Variants in LUC7L observed in about 807,000 individuals in gnomAD.
The protein encoded by LUC7L is putative RNA-binding protein Luc7-like 1.
A neutral mutation model predicts 51.1 loss-of-function variants in LUC7L; 29 were observed. The observed-to-expected ratio is 0.57, with a 90% CI of 0.42 to 0.77. The LOEUF (loss-of-function observed/expected upper bound fraction) is 0.77. Ranked by LOEUF, LUC7L falls within the 30% of genes least tolerant of loss-of-function variation. LUC7L has a pLI of 0.00. For synonymous variants in LUC7L, 181 were observed against 180.7 expected, an observed-to-expected ratio of 1.00 and a Z score of -0.01; for missense variants, 403 against 511.9, an observed-to-expected ratio of 0.79 and a Z score of 2.05.
intron 3 of LUC7L, among the ~76,000 whole-genome samples, chr16:213,786 C>T (rs543380874): frequency 9.9e-5 from 15 of 152,274 alleles, no homozygotes; most frequent in Admixed American, 5.2e-4. Flanking sequence ...GCAATCTCGG[C>T]TCACCGCAAT....
In LUC7L at chr16:200,185, G is replaced by A. The variant is rs530159671; in HGVS notation, c.511-947C>T. On this transcript the variant is annotated intron_variant, in intron 5 of 9. Transcript: ENST00000293872. ...CGCCTGTAATCCCAGCACTTTGGGAGGCTGAGGCAGGCGAATCATGGGGTC... is the reference window on the plus strand; with the variant it reads ...CGCCTGTAATCCCAGCACTTTGGGAAGCTGAGGCAGGCGAATCATGGGGTC... Among the ~76,000 whole-genome samples, 305 of 152,232 alleles carry A rather than the reference G, an allele frequency of 2.0e-3. 1 individual carries two copies. The highest frequency in any genetic ancestry group is 0.01 in the Middle Eastern group (3 of 292).
chr16:229,012 G>A (rs941534722), intron 1 of LUC7L: 29 of 1,451,524 alleles, frequency 2.0e-5, no homozygotes, highest in African/African-American at 2.9e-5. Context: ...CGCCGGGGAG[G>A]AAGTAGCAGG....
At chr16:213,921 G>A (rs1483660831) in intron 3 of LUC7L, among the ~76,000 whole-genome samples, 1 of 151,284 alleles carries the variant, frequency 6.6e-6, no homozygotes, top group Non-Finnish European at 1.5e-5. Flanking sequence ...TCACTATCTT[G>A]GCCAGGAAGG....
In LUC7L at chr16:229,377, T is replaced by C; in HGVS notation, c.-38A>G. ...AGGCGACGGGGTCGGCCGCGACGAC[T>C]TCTCTCAGGCAGGCGGTGGCAGCGG... On this transcript the variant is annotated 5_prime_UTR_variant, in exon 1 of 10. Transcript: ENST00000293872. 1 of 1,481,796 alleles carries C rather than the reference T, an allele frequency of 6.7e-7. No individual in the cohort carries two copies. 91.8% of individuals were successfully genotyped at this position (1,481,796 alleles called of 1,614,324 possible). A position where few individuals can be genotyped will look rare whatever the true frequency, so the allele number is the denominator to read the frequency against.
intron 6 of LUC7L, among the ~76,000 whole-genome samples, chr16:195,004 G>A (rs549460652): frequency 8.5e-5 from 13 of 152,258 alleles, no homozygotes; most frequent in East Asian, 1.9e-4. Context: ...ATGAGAGCAC[G>A]CTCCCCACAA....
At chr16:229,139 T>G in intron 1 of LUC7L, 140 bp downstream of exon 1, 7 of 1,408,632 alleles carry the variant, frequency 5.0e-6, no homozygotes, top group Non-Finnish European at 6.4e-6. Context: ...GCCCGGCGCC[T>G]GCGGTCGGAG....
At chr16:209,863 G>A (rs892306759) in intron 3 of LUC7L, 18 of 152,148 alleles carry the variant, frequency 1.2e-4, no homozygotes, top group African/African-American at 4.1e-4. Context: ...ATGCATACTT[G>A]GGAGTAGGTA....
At chr16:225,517 G>C (rs1356328599) in intron 2 of LUC7L, among the ~76,000 whole-genome samples, 1 of 100,828 alleles carries the variant, frequency 9.9e-6, no homozygotes, top group African/African-American at 3.8e-5. Context: ...ACAGAGTTTT[G>C]CTCTTGTTGC....
At chr16:209,489 CAAAAAAA>C (rs5815040) in intron 3 of LUC7L, 2 of 115,574 alleles carry the variant, frequency 1.7e-5, no homozygotes, top group Non-Finnish European at 3.5e-5. Flanking sequence ...GATTCCATCT[CAAAAAAA>C]AAAAAAAAAA....
At chr16:189,561 T>C (rs150488839) in intron 9 of LUC7L, 23 of 1,387,474 alleles carry the variant, frequency 1.7e-5, no homozygotes, top group Middle Eastern at 2.7e-4. Context: ...GAGCCTTCAC[T>C]GTAACATAAA....
chr16:207,147 C>T (rs369436124), intron 4 of LUC7L, among the ~76,000 whole-genome samples: 2 of 151,400 alleles, frequency 1.3e-5, no homozygotes, highest in East Asian at 1.9e-4. Context: ...TGCAGTGAGT[C>T]GAGATCACGC....
intron 5 of LUC7L, among the ~76,000 whole-genome samples, chr16:203,737 C>T (rs1419162105): frequency 6.8e-6 from 1 of 146,484 alleles, no homozygotes; most frequent in Admixed American, 6.8e-5. Flanking sequence ...GTGGGGAGGG[C>T]TGGGCGCGGT....
intron 6 of LUC7L, 59 bp downstream of exon 6, chr16:199,003 A>T (rs1596612267): frequency 6.8e-7 from 1 of 1,481,234 alleles, no homozygotes; most frequent in Non-Finnish European, 9.1e-7. Flanking sequence ...TTTAAAAATT[A>T]AAGAAATGTG....
intron 3 of LUC7L, among the ~76,000 whole-genome samples, chr16:211,615 A>AT (rs889787216): frequency 2.6e-5 from 4 of 152,190 alleles, no homozygotes; most frequent in African/African-American, 9.6e-5. Flanking sequence ...GATCTAAATG[A>AT]TAAAAAAAAG....
intron 3 of LUC7L, among the ~76,000 whole-genome samples, chr16:211,505 C>A (rs544887445): frequency 2.0e-5 from 3 of 152,102 alleles, no homozygotes; most frequent in Non-Finnish European, 4.4e-5. Flanking sequence ...AGAGAACAAG[C>A]CAACCAAGAG....
chr16:195,820 C>A (rs1403620817), intron 6 of LUC7L, among the ~76,000 whole-genome samples: 1 of 151,956 alleles, frequency 6.6e-6, no homozygotes, highest in African/African-American at 2.4e-5. Context: ...GTGGATACCT[C>A]TGGGACTACT....
At chr16:218,601 A>G (rs1178617700) in intron 3 of LUC7L, among the ~76,000 whole-genome samples, 2 of 151,522 alleles carry the variant, frequency 1.3e-5, no homozygotes, top group African/African-American at 4.9e-5. Context: ...GGCACTTCTA[A>G]TCTCAGCTAC....
In LUC7L at chr16:208,118, G is replaced by A; in HGVS notation, c.326C>T (p.Ala109Val). 1 of 1,613,442 alleles carries A rather than the reference G, an allele frequency of 6.2e-7. No individual in the cohort carries two copies. The highest frequency in any genetic ancestry group is 1.1e-5 in the South Asian group (1 of 90,960). Reference protein sequence around the residue: ...RRTELAKKRLAETQEEISAEV... With the variant: ...RRTELAKKRLVETQEEISAEV... Reference sequence around the variant, plus strand: ...CGCACTGATTTCCTCCTGTGTTTCTGCCAGCCGCTTCTTGGCGAGCTCAGT... The same window carrying A: ...CGCACTGATTTCCTCCTGTGTTTCTACCAGCCGCTTCTTGGCGAGCTCAGT... The change falls in exon 4 of 10, where the codon GCA (alanine) becomes GTA (valine). Residue 109 changes from alanine (A) to valine (V), a missense_variant. Physicochemically the swap from Ala to Val is moderately conservative, Grantham distance 64. Transcript: ENST00000293872.
In LUC7L at chr16:206,107, A is replaced by T. The variant is rs1204079395; in HGVS notation, c.407T>A (p.Leu136His). The T allele has an allele frequency of 2.5e-6, 4 of 1,613,906 alleles. No individual in the cohort carries two copies. The highest frequency in any genetic ancestry group is 3.4e-6 in the Non-Finnish European group (4 of 1,179,954). The change falls in exon 5 of 10, where the codon CTC becomes CAC. Residue 136 changes from leucine to histidine, a missense_variant. Leu to His is a moderately conservative substitution (Grantham distance 99, BLOSUM62 -3). Transcript: ENST00000293872. The part of the protein sequence containing the change: ...VHELNEEIGK[L>H]LAKAEQLGAE... ...CCCTAGCTGTTCGGCTTTAGCAAGG[A>T]GTTTTCCTATTTCTTCATTTAACTC...
Sources: allele counts gnomAD v4.1 joint callset (sites outside exome capture counted in the v4.1 genomes callset), GRCh38; gene constraint gnomAD v4.1.1; transcripts MANE v1.5; gene names NCBI Gene and HGNC (gene_info 2026-07-23, HGNC 2026-07-21).